The following PTPRK variants were observed in gnomAD, a reference collection of about 807,000 sequenced individuals.
PTPRK encodes receptor-type tyrosine-protein phosphatase kappa.
PTPRK carries 75 observed loss-of-function variants against 178.0 expected under a neutral mutation model. That is an observed-to-expected ratio of 0.42 (90% CI 0.35 to 0.51). The LOEUF (loss-of-function observed/expected upper bound fraction) is 0.51, where lower values mean the gene tolerates loss of function less well. Among genes scored for constraint, PTPRK ranks in the 20% least tolerant of loss-of-function variants. The probability of loss-of-function intolerance (pLI) is 0.02; values close to 1 mark genes in which losing one functional copy is unlikely to be tolerated. For synonymous variants in PTPRK, 637 were observed against 620.6 expected (o/e 1.03, Z -0.39); for missense variants, 1,441 against 1,797.8 (o/e 0.80, Z 3.59).
At chr6:128,217,878 C>T (rs1809637388) in intron 6 of PTPRK, among the ~76,000 whole-genome samples, 1 of 152,164 alleles carries the variant, frequency 6.6e-6, no homozygotes, top group Non-Finnish European at 1.5e-5. Flanking sequence ...GCTAAAGTCT[C>T]TCACACTTCT....
At chr6:128,484,587 A>G (rs1308679131) in intron 1 of PTPRK, among the ~76,000 whole-genome samples, 1 of 152,210 alleles carries the variant, frequency 6.6e-6, no homozygotes, top group Non-Finnish European at 1.5e-5. Flanking sequence ...CATGGTTACA[A>G]GTAAACTAGG....
At chr6:128,326,310 T>A (rs539691360) in intron 2 of PTPRK, among the ~76,000 whole-genome samples, 1 of 152,082 alleles carries the variant, frequency 6.6e-6, no homozygotes, top group Non-Finnish European at 1.5e-5. Context: ...AAGTATATTT[T>A]AAAAAAAGAG....
chr6:128,052,748 A>C lies in PTPRK; in HGVS notation c.2194+12010T>G, dbSNP rs1163186381. Among the ~76,000 whole-genome samples, 4 of 152,278 alleles carry C rather than the reference A, an allele frequency of 2.6e-5. No individual in the cohort carries two copies. The East Asian group carries it at 5.8e-4, about 22-fold the overall frequency. On this transcript the variant is annotated intron_variant, in intron 13 of 29. Transcript: ENST00000368226. ...TATTAAGTTTTTGGGAGCTACTTTGAAACTATGTAAATACCTGGTTTCTCA... is the reference window on the plus strand; with the variant it reads ...TATTAAGTTTTTGGGAGCTACTTTGCAACTATGTAAATACCTGGTTTCTCA...
At chr6:128,119,287 A>G (rs1792074644) in intron 7 of PTPRK, among the ~76,000 whole-genome samples, 2 of 151,904 alleles carry the variant, frequency 1.3e-5, no homozygotes, top group African/African-American at 2.4e-5. Flanking sequence ...TTTTAAATTT[A>G]CATTCCTTTG....
At chr6:128,356,607 A>C (rs1833999612) in intron 2 of PTPRK, among the ~76,000 whole-genome samples, 1 of 152,068 alleles carries the variant, frequency 6.6e-6, no homozygotes, top group Non-Finnish European at 1.5e-5. Context: ...TTTTCTTATT[A>C]ATGTCTCTTT....
intron 7 of PTPRK, among the ~76,000 whole-genome samples, chr6:128,144,171 A>C (rs537480938): frequency 6.6e-6 from 1 of 152,230 alleles, no homozygotes; most frequent in Admixed American, 6.6e-5. Context: ...TTCCTCAAAC[A>C]TGATGCTTCT....
At chr6:128,010,107 G>A (rs75119795) in intron 13 of PTPRK, among the ~76,000 whole-genome samples, 5,739 of 151,242 alleles carry the variant, frequency 0.038, 164 homozygotes, top group East Asian at 0.091. Context: ...ACACTTTATC[G>A]ATAAAGGAAC....
intron 11 of PTPRK, among the ~76,000 whole-genome samples, chr6:128,068,992 G>A (rs1582838623): frequency 6.6e-6 from 1 of 151,606 alleles, no homozygotes; most frequent in East Asian, 1.9e-4. Flanking sequence ...AGGAGAGAGA[G>A]AGATACACTG....
At chr6:128,094,562 G>T (rs1227954252) in intron 7 of PTPRK, among the ~76,000 whole-genome samples, 1 of 152,050 alleles carries the variant, frequency 6.6e-6, no homozygotes, top group Non-Finnish European at 1.5e-5. Context: ...AGATTGGGGG[G>T]TAAAATGATC....
At chr6:128,031,460 G>C (rs1395786976) in intron 13 of PTPRK, among the ~76,000 whole-genome samples, 1 of 152,146 alleles carries the variant, frequency 6.6e-6, no homozygotes, top group Non-Finnish European at 1.5e-5. Context: ...ATTTACATAA[G>C]ACTGGGAAAT....
At chr6:128,425,079 CT>C (rs1157646907) in intron 1 of PTPRK, among the ~76,000 whole-genome samples, 3,682 of 133,998 alleles carry the variant, frequency 0.027, 41 homozygotes, top group Middle Eastern at 0.066. Context: ...AATGTGTAGT[CT>C]TTTTTTTTTT....
chr6:128,144,759 G>A (rs1216562015), intron 7 of PTPRK, among the ~76,000 whole-genome samples: 1 of 152,012 alleles, frequency 6.6e-6, no homozygotes, highest in Non-Finnish European at 1.5e-5. Context: ...CACAAAGTAG[G>A]TATTTAATAG....
intron 1 of PTPRK, among the ~76,000 whole-genome samples, chr6:128,452,092 C>T (rs1319239959): frequency 6.6e-6 from 1 of 152,172 alleles, no homozygotes; most frequent in African/African-American, 2.4e-5. Context: ...TGAGGACCGG[C>T]CACATGGCAG....
chr6:128,374,284 A>C (rs570563130), intron 2 of PTPRK, among the ~76,000 whole-genome samples: 7 of 152,184 alleles, frequency 4.6e-5, no homozygotes, highest in Non-Finnish European at 5.9e-5. Flanking sequence ...TCTGCTCTCT[A>C]TTCGTACCTA....
At chr6:128,448,811 A>G (rs1007854546) in intron 1 of PTPRK, among the ~76,000 whole-genome samples, 2 of 152,150 alleles carry the variant, frequency 1.3e-5, no homozygotes, top group East Asian at 1.9e-4. Context: ...TCAGCTTCTT[A>G]TGTGTCACTG....
chr6:128,135,814 T>C (rs534046997), intron 7 of PTPRK, among the ~76,000 whole-genome samples: 8 of 150,652 alleles, frequency 5.3e-5, no homozygotes, highest in Non-Finnish European at 1.0e-4. Context: ...GCCATTGTGA[T>C]CAAGTACTCA....
intron 13 of PTPRK, among the ~76,000 whole-genome samples, chr6:128,039,616 A>G (rs554397279): frequency 1.8e-4 from 28 of 152,328 alleles, no homozygotes; most frequent in Admixed American, 4.6e-4. Flanking sequence ...TATTACTTGG[A>G]CTGTAAATAT....
rs143845943 is a variant in PTPRK at position 128,502,623 on chromosome 6, A to G, written c.100+17636T>C. 5.7e-3 allele frequency among the ~76,000 whole-genome samples: 868 copies of G among 152,318 alleles called. 7 individuals are homozygous for G. The highest frequency in any genetic ancestry group is 0.019 in the African/African-American group (809 of 41,572). On this transcript the variant is annotated intron_variant, in intron 1 of 29. Transcript: ENST00000368226. ...TACCAGCTCCTGAAAGTCAGTTGCT[A>G]AAATGTTCAGGAATTTTGTGGGCCA...
intron 7 of PTPRK, among the ~76,000 whole-genome samples, chr6:128,107,304 A>G (rs887982946): frequency 6.6e-6 from 1 of 152,148 alleles, no homozygotes; most frequent in Non-Finnish European, 1.5e-5. Context: ...ACAGTATGAC[A>G]GTTTCACCTT....
Sources: gnomAD v4.1 joint callset for allele counts (sites outside exome capture counted in the v4.1 genomes callset) on GRCh38, gnomAD v4.1.1 for gene constraint, MANE v1.5 for transcripts, NCBI Gene and HGNC (gene_info 2026-07-23, HGNC 2026-07-21) for gene names.